The following FHOD1 variants were observed in gnomAD, a reference collection of about 807,000 sequenced individuals.
FHOD1 encodes the protein FH1/FH2 domain-containing protein 1.
In FHOD1, 89 loss-of-function variants were observed where a neutral mutation model predicts 111.6. The ratio of observed to expected loss-of-function variants is 0.80; its 90% CI spans 0.67 to 0.95. FHOD1 has a LOEUF of 0.95. FHOD1 is among the 40% of genes least tolerant of loss of function. FHOD1 has a pLI of 0.00. For missense variants in FHOD1, 1,446 were observed against 1,554.2 expected (o/e 0.93, Z 1.17); for synonymous variants, 618 against 639.0 (o/e 0.97, Z 0.50).
chr16:67,229,842 A>G lies in FHOD1; in HGVS notation c.3363T>C (p.Arg1121=), dbSNP rs2034178533. 6.2e-7 allele frequency: 1 copy of G among 1,614,238 alleles called. No homozygotes were observed. The highest frequency in any genetic ancestry group is 8.5e-7 in the Non-Finnish European group (1 of 1,180,030). ...LVQSVTKSSP[R]ALAARERKRS... is the part of the protein sequence containing the mutation. ...GCTTGCGTTCCCTAGCAGCTAAGGC[A>G]CGAGGACTGCTCTTGGTCACTGACT... Residue 1121 remains arginine (R), a synonymous_variant, in exon 21 of 22, where the codon CGT becomes CGC. Coordinates refer to ENST00000258201, the MANE Select transcript of FHOD1 (RefSeq NM_013241.3).
At chr16:67,243,665 A>G (rs1339299537) in intron 1 of FHOD1, among the ~76,000 whole-genome samples, 1 of 152,192 alleles carries the variant, frequency 6.6e-6, no homozygotes, top group Non-Finnish European at 1.5e-5. Context: ...AAATGCTCCA[A>G]GGAACCCTAG....
chr16:67,229,544 C>A lies in FHOD1; in HGVS notation c.*92G>T. ...AGGCATGGCTCCTGGGCACAGAGTT[C>A]TGGGGCCAGAATTCTGCTCTGGGCC... On this transcript the variant is annotated 3_prime_UTR_variant, in exon 22 of 22. Transcript: ENST00000258201. The A allele has an allele frequency of 8.6e-7, 1 of 1,163,974 alleles. No individual in the cohort carries two copies. Among genetic ancestry groups the A allele is most frequent in the South Asian group, 1.2e-5 (1 of 80,878 alleles). The allele number at this position is 1,163,974 out of a possible 1,614,324, so 72.1% of individuals were successfully genotyped here. A position where few individuals can be genotyped will look rare whatever the true frequency, so the allele number is the denominator to read the frequency against.
At position 67,233,667 on chromosome 16, in the gene FHOD1, A is replaced by G. The variant is rs751953340; in HGVS notation, c.2036T>C (p.Leu679Pro). ...HLFESRAKEV[L>P]PSKKAGEGRR... ...GATGAGTGGATTTACCTTGGAGGGC[A>G]GCACCTCTTTGGCACGAGACTCAAA... Residue 679 changes from leucine to proline, a missense_variant, in exon 13 of 22, where the codon CTG (leucine) becomes CCG (proline). By Grantham distance (98) the Leu-to-Pro change is moderately conservative. Around this residue, in one of 3 missense-constraint regions of FHOD1, gnomAD observed 1,085 missense variants for 1,108.8 expected, o/e 0.98. Coordinates refer to ENST00000258201, the MANE Select transcript of FHOD1 (RefSeq NM_013241.3). 14 of 1,596,506 alleles carry G rather than the reference A, an allele frequency of 8.8e-6. No homozygotes were observed. The highest frequency in any genetic ancestry group is 1.2e-5 in the Non-Finnish European group (14 of 1,166,892).
At chr16:67,241,506 G>T (rs558482939) in intron 1 of FHOD1, among the ~76,000 whole-genome samples, 20 of 152,298 alleles carry the variant, frequency 1.3e-4, no homozygotes, top group African/African-American at 4.8e-4. Context: ...CCCCGTCAGG[G>T]ATCCCCTCGA....
chr16:67,230,719 G>A lies in FHOD1; in HGVS notation c.2740C>T (p.Arg914Trp), dbSNP rs750103540. 1.1e-5 allele frequency: 18 copies of A among 1,613,122 alleles called. No homozygotes were observed. The highest frequency in any genetic ancestry group is 4.4e-5 in the South Asian group (4 of 91,006). ...RRSRAAEESL[R>W]SLAKHELAPA... ...GCCAGCTCATGCTTGGCCAAGCTCC[G>A]CAGGCTCTCCTCGGCTGCCCGGCTC... Residue 914 changes from arginine (R) to tryptophan (W), a missense_variant, in exon 18 of 22, where the codon CGG (arginine) becomes TGG (tryptophan). By Grantham distance (101) the Arg-to-Trp change is moderately radical. Around this residue, in one of 3 missense-constraint regions of FHOD1, gnomAD observed 1,085 missense variants for 1,108.8 expected, o/e 0.98. Transcript: ENST00000258201.
chr16:67,236,110 G>C (rs952144791), intron 11 of FHOD1: 1 of 875,156 alleles, frequency 1.1e-6, no homozygotes, highest in Non-Finnish European at 1.4e-6. Flanking sequence ...TAACTGTGGT[G>C]TCAGCTCCAT....
Position 67,229,699 on chromosome 16 carries a change from A to C in FHOD1, c.3432T>G (p.Ser1144Arg). The change falls in exon 22 of 22, where the codon AGT becomes AGG. Residue 1144 changes from serine to arginine, a missense_variant. Transcript: ENST00000258201. Reference protein sequence around the residue: ...NRKSLRRTLKSGLGDDLVQAL... With the variant: ...NRKSLRRTLKRGLGDDLVQAL... ...CCTGCACCAGGTCATCTCCGAGCCC[A>C]CTCTTCAACGTCCTTCTCACTGCAG... 2 of 1,613,938 alleles carry C rather than the reference A, an allele frequency of 1.2e-6. No homozygotes were observed. Among genetic ancestry groups the C allele is most frequent in the South Asian group, 2.2e-5 (2 of 91,068 alleles).
rs1177540851 is a variant in FHOD1 at position 67,234,199 on chromosome 16, A to G, written c.1504T>C (p.Cys502Arg). The change falls in exon 13 of 22, where the codon TGT (cysteine) becomes CGT (arginine). Residue 502 changes from cysteine to arginine, a missense_variant. By Grantham distance (180) the Cys-to-Arg change is radical (BLOSUM62 -3). Coordinates refer to ENST00000258201, the MANE Select transcript of FHOD1 (RefSeq NM_013241.3). The part of the protein sequence containing the change: ...AARTPQSPAP[C>R]VLLRAQRSLA... ...CTTCGCTGGGCCCGGAGCAGGACAC[A>G]GGGGGCAGGGCTCTGGGGTGTTCTG... 1.3e-6 allele frequency: 2 copies of G among 1,548,196 alleles called. No individual in the cohort carries two copies. Among genetic ancestry groups the G allele is most frequent in the East Asian group, 2.3e-5 (1 of 44,262 alleles).
chr16:67,238,603 G>A lies in FHOD1; in HGVS notation c.374-156C>T, dbSNP rs1017575199. 14 of 764,988 alleles carry A rather than the reference G, an allele frequency of 1.8e-5. No homozygotes were observed. The highest frequency in any genetic ancestry group is 2.7e-5 in the Non-Finnish European group (12 of 451,456). 47.4% of individuals were successfully genotyped at this position (764,988 alleles called of 1,614,324 possible). A position where few individuals can be genotyped will look rare whatever the true frequency, so the allele number is the denominator to read the frequency against. On this transcript the variant is annotated intron_variant, in intron 3 of 21. Transcript: ENST00000258201. This position sits in a 1 kb window ranked among gnomAD's most constrained non-coding sequence, Gnocchi z 4.2. Reference sequence around the variant, plus strand: ...TCTGTCACTCAGGCTGGAGTGTGGAGTGCAGTGGCACAGTCATAGCTCACT... The same window carrying A: ...TCTGTCACTCAGGCTGGAGTGTGGAATGCAGTGGCACAGTCATAGCTCACT...
chr16:67,246,920 A>C (rs1354718309), intron 1 of FHOD1: 1 of 432,558 alleles, frequency 2.3e-6, no homozygotes, highest in Non-Finnish European at 4.1e-6. Context: ...CAGGGAAGCC[A>C]CCCTGGCAGA....
chr16:67,234,573 A>G, intron 11 of FHOD1, 101 bp from the exon 12 acceptor site: 1 of 974,322 alleles, frequency 1.0e-6, no homozygotes, highest in Non-Finnish European at 1.6e-6. Flanking sequence ...GCAGGCACGC[A>G]CAGACACACA....
At chr16:67,230,014 T>G (rs755853877) in intron 20 of FHOD1, 24 bp from the exon 21 acceptor site, 1 of 1,613,120 alleles carries the variant, frequency 6.2e-7, no homozygotes, top group Non-Finnish European at 8.5e-7. Context: ...GATAGCAAAG[T>G]CAGGCCAAGG....
chr16:67,231,011 G>T lies in FHOD1; in HGVS notation c.2667+177C>A. ...TTAAACAGACCCAAAGACTGAGTAG[G>T]TGTGGCCAGGCCAATAGAGGAAAGA... On this transcript the variant is annotated intron_variant, in intron 17 of 21. Transcript: ENST00000258201. The surrounding 1 kb of genome is among the most constrained non-coding windows in gnomAD (Gnocchi z 4.3). 1 of 896,796 alleles carries T rather than the reference G, an allele frequency of 1.1e-6. No homozygotes were observed. Among genetic ancestry groups the T allele is most frequent in the Non-Finnish European group, 1.7e-6 (1 of 600,124 alleles). 55.6% of individuals were successfully genotyped at this position (896,796 alleles called of 1,614,324 possible).
chr16:67,234,212 C>A lies in FHOD1; in HGVS notation c.1491G>T (p.Gln497His), dbSNP rs1468795212. 3.2e-6 allele frequency: 5 copies of A among 1,547,844 alleles called. No individual in the cohort carries two copies. Among genetic ancestry groups the A allele is most frequent in the Non-Finnish European group, 2.6e-6 (3 of 1,145,024 alleles). The change falls in exon 13 of 22, where the codon CAG becomes CAT. Residue 497 changes from glutamine to histidine, a missense_variant. Gln to His is a conservative substitution (Grantham distance 24). Coordinates refer to ENST00000258201, the MANE Select transcript of FHOD1 (RefSeq NM_013241.3). ...GGAGCAGGACACAGGGGGCAGGGCT[C>A]TGGGGTGTTCTGGCTGCAGGGGCTG... ...PETAPAARTP[Q>H]SPAPCVLLRA...
At position 67,231,768 on chromosome 16, in the gene FHOD1, C is replaced by T; in HGVS notation, c.2254G>A (p.Ala752Thr). Residue 752 changes from alanine to threonine, a missense_variant, in exon 15 of 22, where the codon GCC becomes ACC. By Grantham distance (58) the Ala-to-Thr change is moderately conservative. Around this residue, in one of 3 missense-constraint regions of FHOD1, gnomAD observed 1,085 missense variants for 1,108.8 expected, o/e 0.98. Coordinates refer to ENST00000258201, the MANE Select transcript of FHOD1 (RefSeq NM_013241.3). The surrounding 1 kb of genome is among the most constrained non-coding windows in gnomAD (Gnocchi z 4.3). ...TEEERQKIEE[A>T]QLANPDIPLG... Reference sequence around the variant, plus strand: ...GGTATGTCAGGGTTGGCCAGCTGGGCTTCCTCAATCTTCTGCCGCTCTTCC... The same window carrying T: ...GGTATGTCAGGGTTGGCCAGCTGGGTTTCCTCAATCTTCTGCCGCTCTTCC... 5.0e-6 allele frequency: 8 copies of T among 1,614,040 alleles called. No individual in the cohort carries two copies. The highest frequency in any genetic ancestry group is 6.8e-6 in the Non-Finnish European group (8 of 1,179,986).
chr16:67,235,544 CAAAA>C (rs957265043), intron 11 of FHOD1, among the ~76,000 whole-genome samples: 4 of 137,122 alleles, frequency 2.9e-5, no homozygotes, highest in Non-Finnish European at 6.3e-5. Context: ...AAAAAAAAAA[CAAAA>C]AAAAAACGGA....
At chr16:67,235,540 A>C (rs866778097) in intron 11 of FHOD1, among the ~76,000 whole-genome samples, 5 of 151,798 alleles carry the variant, frequency 3.3e-5, no homozygotes, top group Non-Finnish European at 7.4e-5. Context: ...AAAAAAAAAA[A>C]AAACAAAAAA....
At position 67,237,647 on chromosome 16, in the gene FHOD1, A is replaced by G. The variant is rs2034540546; in HGVS notation, c.754+10T>C. 1 of 1,613,758 alleles carries G rather than the reference A, an allele frequency of 6.2e-7. No individual in the cohort carries two copies. The highest frequency in any genetic ancestry group is 1.7e-5 in the Admixed American group (1 of 60,004). On this transcript the variant is annotated intron_variant, in intron 7 of 21. Coordinates refer to ENST00000258201, the MANE Select transcript of FHOD1 (RefSeq NM_013241.3). The surrounding 1 kb of genome is among the most constrained non-coding windows in gnomAD (Gnocchi z 5.6). The stretch of plus-strand genomic sequence containing the variant: ...CTGAGCGGTGGGGGGAGAAAGGGAC[A>G]GTCTCTGACCGGTGGTGCTGGCCAC...
chr16:67,244,218 A>G (rs906539420), intron 1 of FHOD1, among the ~76,000 whole-genome samples: 2 of 152,160 alleles, frequency 1.3e-5, no homozygotes, highest in African/African-American at 4.8e-5. Flanking sequence ...CCCGGAGCTC[A>G]GGGAGAAGTC....
Sources: gnomAD v4.1 joint callset for allele counts (sites outside exome capture counted in the v4.1 genomes callset) on GRCh38, gnomAD v4.1.1 for gene constraint, gnomAD v4.1.1 regional missense constraint, Gnocchi (gnomAD v3.1) non-coding constraint, MANE v1.5 for transcripts, NCBI Gene and HGNC (gene_info 2026-07-23, HGNC 2026-07-21) for gene names.